Variants in GRAMD1C observed in about 807,000 individuals in gnomAD.
GRAMD1C encodes protein Aster-C.
In GRAMD1C, 89 loss-of-function variants were observed where a neutral mutation model predicts 97.8. That is an observed-to-expected ratio of 0.91 (90% CI 0.77 to 1.09). The LOEUF (loss-of-function observed/expected upper bound fraction) is 1.09, where lower values mean the gene tolerates loss of function less well. GRAMD1C is among the 50% of genes least tolerant of loss of function. The probability of loss-of-function intolerance (pLI) is 0.00; values close to 1 mark genes in which losing one functional copy is unlikely to be tolerated. For missense variants in GRAMD1C, 740 were observed against 766.4 expected, an observed-to-expected ratio of 0.97 and a Z score of 0.41; for synonymous variants, 256 against 267.0, an observed-to-expected ratio of 0.96 and a Z score of 0.40.
intron 2 of GRAMD1C, among the ~76,000 whole-genome samples, chr3:113,858,183 GT>G (rs894330195): frequency 6.6e-6 from 1 of 151,858 alleles, no homozygotes; most frequent in Non-Finnish European, 1.5e-5. Flanking sequence ...GGTAGTTTAT[GT>G]TTTTTGATAA....
rs114174215 is a variant in GRAMD1C at position 113,879,236 on chromosome 3, A to G, written c.459+2976A>G. ...AAAAAACCAAAAAACAAACAAACCG[A>G]CTCTCTTTATCCTGCTTAGGCTGAT... On this transcript the variant is annotated intron_variant, in intron 5 of 17. Coordinates refer to ENST00000358160, the MANE Select transcript of GRAMD1C (RefSeq NM_017577.5). Among the ~76,000 whole-genome samples, 1,414 of 149,590 alleles carry G rather than the reference A, an allele frequency of 9.5e-3. 16 individuals carry two copies. The highest frequency in any genetic ancestry group is 0.031 in the African/African-American group (1,277 of 40,752).
At chr3:113,926,857 T>A (rs997795647) in intron 10 of GRAMD1C, among the ~76,000 whole-genome samples, 16 of 152,198 alleles carry the variant, frequency 1.1e-4, no homozygotes, top group African/African-American at 3.9e-4. Context: ...CCCAGCTTTG[T>A]TCTCTGGCCC....
In GRAMD1C at chr3:113,936,322, A is replaced by G; in HGVS notation, c.1513A>G (p.Lys505Glu). ...VLNQAIEDPG[K>E]LTGLRRRRRT... ...AAATCAGGCCATTGAAGACCCTGGAAAACTTACTGGCCTACGAAGGAGAAG... is the reference window on the plus strand; with the variant it reads ...AAATCAGGCCATTGAAGACCCTGGAGAACTTACTGGCCTACGAAGGAGAAG... The change falls in exon 14 of 18, where the codon AAA becomes GAA. Residue 505 changes from lysine to glutamate, a missense_variant. Coordinates refer to ENST00000358160, the MANE Select transcript of GRAMD1C (RefSeq NM_017577.5). 1 of 1,610,530 alleles carries G rather than the reference A, an allele frequency of 6.2e-7. No individual in the cohort carries two copies. Among genetic ancestry groups the G allele is most frequent in the Non-Finnish European group, 8.5e-7 (1 of 1,176,842 alleles).
intron 2 of GRAMD1C, among the ~76,000 whole-genome samples, chr3:113,857,176 C>A (rs74625943): frequency 0.04 from 6,099 of 151,590 alleles, 159 homozygotes; most frequent in African/African-American, 0.063. Flanking sequence ...AACAAACAAA[C>A]AAAAAAATAA....
chr3:113,936,474 A>G, intron 14 of GRAMD1C, 32 bp downstream of exon 14: 1 of 1,447,078 alleles, frequency 6.9e-7, no homozygotes, highest in Non-Finnish European at 9.6e-7. Flanking sequence ...GAGATGAAAG[A>G]TTTTTACTTT....
chr3:113,916,263 C>A (rs1044567409), intron 10 of GRAMD1C, among the ~76,000 whole-genome samples: 1 of 152,140 alleles, frequency 6.6e-6, no homozygotes, highest in African/African-American at 2.4e-5. Flanking sequence ...ATACATTCAT[C>A]AGAAATGGGT....
At chr3:113,942,450 C>G (rs1207142240) in intron 17 of GRAMD1C, among the ~76,000 whole-genome samples, 1 of 152,126 alleles carries the variant, frequency 6.6e-6, no homozygotes, top group Non-Finnish European at 1.5e-5. Flanking sequence ...GTACCCCAAA[C>G]TTCTCTGTAG....
intron 2 of GRAMD1C, among the ~76,000 whole-genome samples, chr3:113,857,355 A>G (rs6763999): frequency 0.029 from 4,288 of 148,886 alleles, 223 homozygotes; most frequent in African/African-American, 0.1. Context: ...TCTTAATCAA[A>G]TTCAGGAAGT....
At chr3:113,945,218 T>C (rs1452009502) in intron 17 of GRAMD1C, among the ~76,000 whole-genome samples, 180 bp from the exon 18 acceptor site, 1 of 152,218 alleles carries the variant, frequency 6.6e-6, no homozygotes, top group Non-Finnish European at 1.5e-5. Context: ...AAGAACTCTG[T>C]AGCAATCATA....
chr3:113,913,644 T>C (rs1936695692), intron 9 of GRAMD1C, among the ~76,000 whole-genome samples: 1 of 152,156 alleles, frequency 6.6e-6, no homozygotes, highest in Admixed American at 6.5e-5. Context: ...TTCAGACCTC[T>C]GTTTGGGGAG....
chr3:113,908,903 C>CA lies in GRAMD1C; in HGVS notation c.790-51dup, dbSNP rs1276954480. On this transcript the variant is annotated intron_variant, in intron 8 of 17. Coordinates refer to ENST00000358160, the MANE Select transcript of GRAMD1C (RefSeq NM_017577.5). ...ATCTTTAATATTAAAGTTCTCACTG[C>CA]AAAATCTAAGCTAAACCTGTGTTTT... The CA allele has an allele frequency of 2.2e-5, 23 of 1,067,020 alleles. No homozygotes were observed. The East Asian group carries it at 5.2e-4, about 24-fold the overall frequency. The allele number at this position is 1,067,020 out of a possible 1,614,324, so 66.1% of individuals were successfully genotyped here.
chr3:113,911,569 T>C (rs1228096499), intron 9 of GRAMD1C, among the ~76,000 whole-genome samples: 1 of 151,954 alleles, frequency 6.6e-6, no homozygotes, highest in Non-Finnish European at 1.5e-5. Context: ...CCACCTTATT[T>C]AACTTAATTA....
intron 6 of GRAMD1C, chr3:113,886,166 G>T (rs1935469579): frequency 5.5e-6 from 8 of 1,445,332 alleles, no homozygotes; most frequent in Non-Finnish European, 7.3e-6. Context: ...ACCCCTCTCT[G>T]CCCTGGGAGC....
At chr3:113,885,238 G>C (rs1935423994) in intron 6 of GRAMD1C, 7 of 1,030,906 alleles carry the variant, frequency 6.8e-6, no homozygotes, top group Non-Finnish European at 1.0e-5. Flanking sequence ...GTTGCCCCCG[G>C]GGGGCTGGCG....
chr3:113,831,302 G>A (rs1709554057), intron 1 of GRAMD1C, among the ~76,000 whole-genome samples: 1 of 152,016 alleles, frequency 6.6e-6, no homozygotes, highest in African/African-American at 2.4e-5. Flanking sequence ...GTCTTTCTTT[G>A]CCTTTTATGA....
rs565254981 is a variant in GRAMD1C, at chr3:113,849,803, T to C, written c.174+5154T>C. ...ATGATGGCCCGTTCTCAATGAGCTG[T>C]TGGGTACACCTCCCAGACGGGGTGG... On this transcript the variant is annotated intron_variant, in intron 2 of 17. Coordinates refer to ENST00000358160, the MANE Select transcript of GRAMD1C (RefSeq NM_017577.5). Among the ~76,000 whole-genome samples, 545 of 152,292 alleles carry C rather than the reference T, an allele frequency of 3.6e-3. 4 individuals carry two copies. The highest frequency in any genetic ancestry group is 0.012 in the African/African-American group (505 of 41,582).
chr3:113,837,867 C>T (rs1287968565), upstream of GRAMD1C, among the ~76,000 whole-genome samples: 2 of 152,124 alleles, frequency 1.3e-5, no homozygotes, highest in Non-Finnish European at 2.9e-5. Flanking sequence ...GAGATTGCGC[C>T]ACCGCACTCC....
intron 6 of GRAMD1C, among the ~76,000 whole-genome samples, chr3:113,892,070 TTTTA>T (rs1935750711): frequency 6.6e-6 from 1 of 152,080 alleles, no homozygotes; most frequent in South Asian, 2.1e-4. Context: ...TGTGCATTTG[TTTTA>T]TTTATTTTTC....
At chr3:113,911,732 T>TCCTTCCTTCCTTCCTTCC (rs1237050519) in intron 9 of GRAMD1C, among the ~76,000 whole-genome samples, 1 of 10,584 alleles carries the variant, frequency 9.4e-5, no homozygotes, top group Non-Finnish European at 3.0e-4. Flanking sequence ...TCCTTCCTTT[T>TCCTTCCTTCCTTCCTTCC]CTTTCTTTCT....
Sources: allele counts gnomAD v4.1 joint callset (sites outside exome capture counted in the v4.1 genomes callset), GRCh38; gene constraint gnomAD v4.1.1; transcripts MANE v1.5; gene names NCBI Gene and HGNC (gene_info 2026-07-23, HGNC 2026-07-21).